CABP1: variants seen among roughly 807,000 people sequenced by gnomAD.
CABP1 encodes calcium-binding protein 1.
In CABP1, 17 loss-of-function variants were observed where a neutral mutation model predicts 34.3. That is an observed-to-expected ratio of 0.50 (90% CI 0.34 to 0.74). CABP1 has a LOEUF of 0.74. CABP1 is among the 30% of genes least tolerant of loss of function. The pLI, the probability that CABP1 is intolerant of heterozygous loss-of-function variation, is 0.01. For missense variants in CABP1, 373 were observed against 511.1 expected, an observed-to-expected ratio of 0.73 and a Z score of 2.61; for synonymous variants, 198 against 229.2, an observed-to-expected ratio of 0.86 and a Z score of 1.23.
downstream of CABP1, among the ~76,000 whole-genome samples, chr12:120,668,707 A>G (rs905869899): frequency 3.3e-5 from 5 of 152,342 alleles, no homozygotes; most frequent in Non-Finnish European, 7.4e-5. Flanking sequence ...GAATCATGCA[A>G]TTGAAAAGAC....
chr12:120,642,769 T>G (rs1879394647), intron 1 of CABP1, among the ~76,000 whole-genome samples: 1 of 152,072 alleles, frequency 6.6e-6, no homozygotes, highest in Admixed American at 6.5e-5. Flanking sequence ...TGATACCAAT[T>G]CATTCATTTA....
the CABP1 span, among the ~76,000 whole-genome samples, chr12:120,672,849 G>A: frequency 6.6e-6 from 1 of 151,856 alleles, no homozygotes; most frequent in Non-Finnish European, 1.5e-5. Flanking sequence ...GGCCAACATG[G>A]CGAAAACCCG....
At chr12:120,655,443 A>AG (rs1304106055) in intron 1 of CABP1, 1 of 704,078 alleles carries the variant, frequency 1.4e-6, no homozygotes, top group East Asian at 1.0e-4. Flanking sequence ...ACGAAAAAGG[A>AG]GGGGGCATGT....
chr12:120,667,006 C>A lies in CABP1; in HGVS notation c.*106C>A, dbSNP rs1371404915. ...CCGCCGAGAGCCCAGGATGTACTGG[C>A]GGATGGGGCCTGCCTGCACCCCGGG... On this transcript the variant is annotated 3_prime_UTR_variant, in exon 6 of 6. Coordinates refer to ENST00000316803, the MANE Select transcript of CABP1 (RefSeq NM_001033677.2). The A allele has an allele frequency of 1.4e-6, 2 of 1,388,202 alleles. No individual in the cohort carries two copies. The highest frequency in any genetic ancestry group is 2.0e-6 in the Non-Finnish European group (2 of 1,011,754). The allele number at this position is 1,388,202 out of a possible 1,614,324, so 86.0% of individuals were successfully genotyped here.
Position 120,641,168 on chromosome 12 carries a change from G to A in CABP1, c.483G>A (p.Pro161=), listed in dbSNP as rs1220456537. The A allele has an allele frequency of 2.4e-6, 3 of 1,238,084 alleles. No homozygotes were observed. The highest frequency in any genetic ancestry group is 3.0e-6 in the Non-Finnish European group (3 of 993,262). 76.7% of individuals were successfully genotyped at this position (1,238,084 alleles called of 1,614,324 possible). Residue 161 remains proline, a synonymous_variant, in exon 1 of 6, where the codon CCG becomes CCA. Coordinates refer to ENST00000316803, the MANE Select transcript of CABP1 (RefSeq NM_001033677.2). This position sits in a 1 kb window ranked among gnomAD's most constrained non-coding sequence, Gnocchi z 6.7. ...AAASRPSPSS[P]LPPARGRDGE... is the part of the protein sequence containing the mutation. ...CGTCCCGACCTTCGCCGTCGTCGCC[G>A]CTGCCGCCGGCCCGCGGGCGGGATG... is the stretch of plus-strand genomic sequence containing the variant.
chr12:120,659,972 T>C (rs544804813), intron 2 of CABP1, 64 bp downstream of exon 2: 7 of 1,543,256 alleles, frequency 4.5e-6, no homozygotes, highest in South Asian at 2.3e-5. Context: ...GGAAGGGAGG[T>C]TGATGGGAAG....
rs1216301713 is a variant in CABP1 at position 120,660,843 on chromosome 12, A to T, written c.939+3A>T. 6.2e-7 allele frequency: 1 copy of T among 1,603,618 alleles called. No individual in the cohort carries two copies. Among genetic ancestry groups the T allele is most frequent in the African/African-American group, 1.3e-5 (1 of 74,834 alleles). On this transcript the variant is annotated splice_donor_region_variant and intron_variant, in intron 4 of 5. Transcript: ENST00000316803. This position sits in a 1 kb window ranked among gnomAD's most constrained non-coding sequence, Gnocchi z 5.0. ...AACTGCGAGATGCTTTCCGAGAGGT[A>T]ACGGACAGAGGCAGGCAGGCATGGG...
Position 120,661,153 on chromosome 12 carries a change from A to G in CABP1, c.1022A>G (p.His341Arg). 1 of 1,613,454 alleles carries G rather than the reference A, an allele frequency of 6.2e-7. No homozygotes were observed. Among genetic ancestry groups the G allele is most frequent in the South Asian group, 1.1e-5 (1 of 91,082 alleles). Residue 341 changes from histidine to arginine, a missense_variant, in exon 5 of 6, where the codon CAC becomes CGC. This residue lies in a region of CABP1 where 109 missense variants were observed against 204.8 expected (regional missense o/e 0.53). Coordinates refer to ENST00000316803, the MANE Select transcript of CABP1 (RefSeq NM_001033677.2). The surrounding 1 kb of genome is among the most constrained non-coding windows in gnomAD (Gnocchi z 5.1). The stretch of plus-strand genomic sequence containing the variant: ...AAGCTCCTGGGTCATCAGGTGGGAC[A>G]CCGAGACATAGAGGAAATTATCCGA... ...MRKLLGHQVGHRDIEEIIRDV... is the reference protein window; with the variant it reads ...MRKLLGHQVGRRDIEEIIRDV...
chr12:120,667,089 T>G lies in CABP1; in HGVS notation c.*189T>G, dbSNP rs1040595236. 2 of 628,102 alleles carry G rather than the reference T, an allele frequency of 3.2e-6. No individual in the cohort carries two copies. The highest frequency in any genetic ancestry group is 5.2e-6 in the Non-Finnish European group (2 of 386,508). The allele number at this position is 628,102 out of a possible 1,614,324, so 38.9% of individuals were successfully genotyped here. A position where few individuals can be genotyped will look rare whatever the true frequency, so the allele number is the denominator to read the frequency against. On this transcript the variant is annotated 3_prime_UTR_variant, in exon 6 of 6. Transcript: ENST00000316803. ...ACTGTGAAAGACTAACTCCTGCAACTGGAAAGCGGGGGCGCCCGCCGACGA... is the reference window on the plus strand; with the variant it reads ...ACTGTGAAAGACTAACTCCTGCAACGGGAAAGCGGGGGCGCCCGCCGACGA...
chr12:120,676,308 C>T, the CABP1 span, among the ~76,000 whole-genome samples: 3 of 152,172 alleles, frequency 2.0e-5, no homozygotes, highest in Admixed American at 6.6e-5. Flanking sequence ...GGGCAGCTGA[C>T]AAGTAACCTG....
chr12:120,655,788 GGTGT>G (rs1343228416), intron 1 of CABP1: 1 of 1,500,182 alleles, frequency 6.7e-7, no homozygotes, highest in Non-Finnish European at 8.9e-7. Context: ...CATGCACTTG[GGTGT>G]GTGATTCTGT....
the CABP1 span, among the ~76,000 whole-genome samples, chr12:120,680,377 C>T: frequency 6.6e-6 from 1 of 152,168 alleles, no homozygotes; most frequent in Admixed American, 6.6e-5. Context: ...CTGAACCCAG[C>T]TCTGTCTGAC....
chr12:120,654,594 A>G lies in CABP1; in HGVS notation c.655-5284A>G, dbSNP rs554501661. 9.2e-5 allele frequency among the ~76,000 whole-genome samples: 14 copies of G among 152,242 alleles called. 1 individual carries two copies. The highest frequency in any genetic ancestry group is 3.4e-3 in the Middle Eastern group (1 of 294). On this transcript the variant is annotated intron_variant, in intron 1 of 5. Coordinates refer to ENST00000316803, the MANE Select transcript of CABP1 (RefSeq NM_001033677.2). ...TCCTGTCGCTCCTTGGGAAGGTCCTACTCTAGCTAAATCCCCCCACATTGA... is the reference window on the plus strand; with the variant it reads ...TCCTGTCGCTCCTTGGGAAGGTCCTGCTCTAGCTAAATCCCCCCACATTGA...
the CABP1 span, among the ~76,000 whole-genome samples, chr12:120,673,596 G>GA: frequency 1.3e-5 from 2 of 151,258 alleles, no homozygotes; most frequent in Non-Finnish European, 3.0e-5. Context: ...TCAAAAAAAA[G>GA]AAAAAAAAGT....
downstream of CABP1, among the ~76,000 whole-genome samples, chr12:120,670,105 C>G (rs776666509): frequency 6.6e-6 from 1 of 151,996 alleles, no homozygotes; most frequent in African/African-American, 2.4e-5. Context: ...TGGGCTCAAG[C>G]GATCCTCCTG....
chr12:120,666,361 C>A (rs1291132802), intron 5 of CABP1, among the ~76,000 whole-genome samples: 1 of 150,790 alleles, frequency 6.6e-6, no homozygotes, highest in Non-Finnish European at 1.5e-5. Context: ...GTAATCCCAG[C>A]TACTAGGGAG....
intron 5 of CABP1, among the ~76,000 whole-genome samples, chr12:120,664,183 G>A (rs1425915706): frequency 6.6e-6 from 1 of 152,208 alleles, no homozygotes; most frequent in Non-Finnish European, 1.5e-5. Flanking sequence ...CATCTGCTGT[G>A]TGCTAAGATC....
intron 1 of CABP1, among the ~76,000 whole-genome samples, chr12:120,649,204 T>C (rs1274130275): frequency 6.6e-6 from 1 of 151,880 alleles, no homozygotes; most frequent in Non-Finnish European, 1.5e-5. Context: ...TCCCTAGGAG[T>C]GAGCACCCTC....
In CABP1 at chr12:120,660,030, G is replaced by A. The variant is rs527470065; in HGVS notation, c.685+122G>A. On this transcript the variant is annotated intron_variant, in intron 2 of 5. Transcript: ENST00000316803. The surrounding 1 kb of genome is among the most constrained non-coding windows in gnomAD (Gnocchi z 5.0). ...TGGTGCAACGCGGGGTATCTTCTGT[G>A]AAACCAGCTGCTGAAGGTGTGCACA... The A allele has an allele frequency of 6.8e-5, 87 of 1,284,420 alleles. 1 individual carries two copies. In the African/African-American group the frequency reaches 1.2e-3, roughly 17 times the overall value. The allele number at this position is 1,284,420 out of a possible 1,614,324, so 79.6% of individuals were successfully genotyped here.
Sources: gnomAD v4.1 joint callset for allele counts (sites outside exome capture counted in the v4.1 genomes callset) on GRCh38, gnomAD v4.1.1 for gene constraint, gnomAD v4.1.1 regional missense constraint, Gnocchi (gnomAD v3.1) non-coding constraint, MANE v1.5 for transcripts, NCBI Gene and HGNC (gene_info 2026-07-23, HGNC 2026-07-21) for gene names.